The following METTL8 variants were observed in gnomAD, a reference collection of about 807,000 sequenced individuals.
METTL8 encodes methyltransferase 8, tRNA N3-cytidine.
Under a neutral mutation model 48.7 loss-of-function variants are expected in METTL8, and 32 were observed. The observed-to-expected ratio is 0.66, with a 90% CI of 0.50 to 0.88. The LOEUF is 0.88. Among genes scored for constraint, METTL8 ranks in the 40% least tolerant of loss-of-function variants. METTL8 has a pLI of 0.00. For synonymous variants in METTL8, 136 were observed against 157.1 expected (o/e 0.87, Z 1.01); for missense variants, 464 against 474.4 (o/e 0.98, Z 0.20).
chr2:171,404,129 G>A (rs1182019404), intron 1 of METTL8, among the ~76,000 whole-genome samples: 4 of 129,060 alleles, frequency 3.1e-5, no homozygotes, highest in African/African-American at 1.2e-4. Flanking sequence ...TTAGGCTTAA[G>A]AGATTAGCAA....
chr2:171,359,636 C>T (rs1017090817), intron 3 of METTL8, among the ~76,000 whole-genome samples: 7 of 150,980 alleles, frequency 4.6e-5, no homozygotes, highest in Admixed American at 1.3e-4. Flanking sequence ...TTTTTTTAGA[C>T]GGAGTCTCGC....
upstream of METTL8, chr2:171,434,757 A>G: frequency 7.2e-7 from 1 of 1,389,184 alleles, no homozygotes; most frequent in Non-Finnish European, 9.2e-7. Flanking sequence ...GCGGCGGCCG[A>G]GCCTCCTGCG....
At chr2:171,344,186 C>A (rs1687050646) in intron 3 of METTL8, among the ~76,000 whole-genome samples, 2 of 152,172 alleles carry the variant, frequency 1.3e-5, no homozygotes, top group Non-Finnish European at 2.9e-5. Flanking sequence ...AAATGCTTTA[C>A]TTGGATTTTT....
At chr2:171,341,753 A>T (rs776462879) in intron 3 of METTL8, among the ~76,000 whole-genome samples, 2 of 152,090 alleles carry the variant, frequency 1.3e-5, no homozygotes, top group African/African-American at 4.8e-5. Context: ...AAAGCAAGGT[A>T]TATAACAGTG....
rs202220019 is a variant in METTL8, at chr2:171,403,775, CTA to C, written c.-12-11580_-12-11579del. Among the ~76,000 whole-genome samples, 1,162 of 151,604 alleles carry C rather than the reference CTA, an allele frequency of 7.7e-3. 5 individuals are homozygous for C. The highest frequency in any genetic ancestry group is 0.014 in the Admixed American group (210 of 15,190). ...CAAAATAATTTTGTATGACTACAGACTATGATGTGAGGGGCAGACAGGTGGGG... is the reference window on the plus strand; with the variant it reads ...CAAAATAATTTTGTATGACTACAGACTGATGTGAGGGGCAGACAGGTGGGG... On this transcript the variant is annotated intron_variant, in intron 1 of 9. Coordinates refer to ENST00000375258, the MANE Select transcript of METTL8 (RefSeq NM_001321154.2).
chr2:171,434,582 G>C (rs1244082639), upstream of METTL8: 1 of 1,527,352 alleles, frequency 6.5e-7, no homozygotes, highest in East Asian at 2.5e-5. Flanking sequence ...GCCTCCATGG[G>C]CCCGACCCGG....
chr2:171,434,190 C>G (rs1693561968), upstream of METTL8: 1 of 388,494 alleles, frequency 2.6e-6, no homozygotes, highest in Non-Finnish European at 5.2e-6. Context: ...GGCAAGCCCT[C>G]GCTCCCCGCC....
rs143561498 is a variant in METTL8, at chr2:171,330,607, A to C, written c.812T>G (p.Leu271Arg). 66 of 1,613,906 alleles carry C rather than the reference A, an allele frequency of 4.1e-5. No homozygotes were observed. Among genetic ancestry groups the C allele is most frequent in the Non-Finnish European group, 5.1e-5 (60 of 1,179,920 alleles). Residue 271 changes from leucine (L) to arginine (R), a missense_variant, in exon 7 of 10, where the codon CTG (leucine) becomes CGG (arginine). Coordinates refer to ENST00000375258, the MANE Select transcript of METTL8 (RefSeq NM_001321154.2). ...CACAAAGACAAGGAGAATGACATCC[A>C]GGATCCCATCTGGAAAAGGGTAAGG... ...GLPYPFPDGI[L>R]DVILLVFVLS...
chr2:171,340,993 G>T (rs892894047), intron 3 of METTL8, among the ~76,000 whole-genome samples: 1 of 152,172 alleles, frequency 6.6e-6, no homozygotes, highest in African/African-American at 2.4e-5. Flanking sequence ...CAGAGCTTCA[G>T]GTAATTCTTC....
At chr2:171,407,618 T>G (rs1350075821) in intron 1 of METTL8, among the ~76,000 whole-genome samples, 1 of 152,188 alleles carries the variant, frequency 6.6e-6, no homozygotes, top group African/African-American at 2.4e-5. Context: ...CTGAAAGTCA[T>G]TATAATAGAT....
At chr2:171,335,365 T>G (rs1294867353) in intron 5 of METTL8, among the ~76,000 whole-genome samples, 1 of 152,212 alleles carries the variant, frequency 6.6e-6, no homozygotes, top group African/African-American at 2.4e-5. Context: ...AATTGTTGAA[T>G]TGAGGTGTTA....
intron 1 of METTL8, among the ~76,000 whole-genome samples, chr2:171,394,393 G>C (rs1426698110): frequency 6.7e-6 from 1 of 149,896 alleles, no homozygotes; most frequent in African/African-American, 2.5e-5. Flanking sequence ...TATAGAAGAG[G>C]GAAAAAAAAA....
intron 2 of METTL8, among the ~76,000 whole-genome samples, chr2:171,374,665 C>T (rs1298404543): frequency 6.6e-6 from 1 of 151,488 alleles, no homozygotes; most frequent in Admixed American, 6.6e-5. Flanking sequence ...TCCCCTTCTC[C>T]CCACTCACCT....
At chr2:171,380,874 T>C (rs1002734375) in intron 2 of METTL8, among the ~76,000 whole-genome samples, 3 of 152,224 alleles carry the variant, frequency 2.0e-5, no homozygotes, top group African/African-American at 7.2e-5. Flanking sequence ...CTGTTGACTT[T>C]CTTCACAGAA....
intron 2 of METTL8, among the ~76,000 whole-genome samples, chr2:171,387,582 T>C (rs1183793313): frequency 6.6e-6 from 1 of 151,772 alleles, no homozygotes; most frequent in Non-Finnish European, 1.5e-5. Context: ...TATGTATGTA[T>C]GTGCATATAT....
chr2:171,406,305 C>T (rs1270380602), intron 1 of METTL8, among the ~76,000 whole-genome samples: 1 of 152,200 alleles, frequency 6.6e-6, no homozygotes, highest in Non-Finnish European at 1.5e-5. Context: ...AGAGGAAGCA[C>T]CTGTTATGTA....
At chr2:171,346,228 T>C (rs1482514482) in intron 3 of METTL8, among the ~76,000 whole-genome samples, 3 of 152,146 alleles carry the variant, frequency 2.0e-5, no homozygotes, top group Non-Finnish European at 4.4e-5. Flanking sequence ...GGGGTCTGAC[T>C]GTTGCTCAGG....
chr2:171,333,756 G>T (rs1685787756), intron 5 of METTL8, among the ~76,000 whole-genome samples: 1 of 152,164 alleles, frequency 6.6e-6, no homozygotes, highest in Non-Finnish European at 1.5e-5. Context: ...AAGGGCAGGG[G>T]CTTTGGAACA....
chr2:171,325,964 T>C, intron 8 of METTL8, 58 bp from the exon 9 acceptor site: 3 of 1,383,298 alleles, frequency 2.2e-6, no homozygotes, highest in South Asian at 2.5e-5. Flanking sequence ...AAAAAACAAC[T>C]AAATACTTTG....
Sources: allele counts gnomAD v4.1 joint callset (sites outside exome capture counted in the v4.1 genomes callset), GRCh38; gene constraint gnomAD v4.1.1; transcripts MANE v1.5; gene names NCBI Gene and HGNC (gene_info 2026-07-23, HGNC 2026-07-21).